The following BTG4 variants were observed in gnomAD, a reference collection of about 807,000 sequenced individuals.
BTG4 encodes BTG anti-proliferation factor 4, also known as protein BTG4.
A neutral mutation model predicts 19.3 loss-of-function variants in BTG4; 10 were observed. The observed-to-expected ratio is 0.52, with a 90% CI of 0.32 to 0.88. The LOEUF is 0.88. Ranked by LOEUF, BTG4 falls within the 40% of genes least tolerant of loss-of-function variation. The pLI is 0.04. For missense variants in BTG4, 238 were observed against 281.9 expected (o/e 0.84, Z 1.11); for synonymous variants, 91 against 95.7 (o/e 0.95, Z 0.29).
At chr11:111,434,296 C>T in the BTG4 span, among the ~76,000 whole-genome samples, 1 of 152,200 alleles carries the variant, frequency 6.6e-6, no homozygotes, top group African/African-American at 2.4e-5. Context: ...CAAACTGTCA[C>T]AAGGACAGAA....
chr11:111,434,848 C>T, the BTG4 span: 1 of 152,282 alleles, frequency 6.6e-6, no homozygotes, highest in African/African-American at 2.4e-5. Context: ...CTCAGAGGTC[C>T]TTCCCAGCCC....
At chr11:111,401,068 A>AAAAC in the BTG4 span, 16 of 92,266 alleles carry the variant, frequency 1.7e-4, no homozygotes, top group African/African-American at 4.5e-4. Context: ...AAAAAAAAAA[A>AAAAC]AAAAAAAAAA....
At chr11:111,467,782 A>C in intron 5 of BTG4, 1 of 658,082 alleles carries the variant, frequency 1.5e-6, no homozygotes, top group Non-Finnish European at 2.7e-6. Context: ...TAAGTCATTT[A>C]GCTAAGGCAT....
the BTG4 span, among the ~76,000 whole-genome samples, chr11:111,425,080 A>C: frequency 6.6e-6 from 1 of 152,186 alleles, no homozygotes; most frequent in Non-Finnish European, 1.5e-5. Flanking sequence ...GGGCTACATG[A>C]AGGAAGGCGC....
chr11:111,466,045 A>G (rs922503871), downstream of BTG4, among the ~76,000 whole-genome samples: 1 of 152,188 alleles, frequency 6.6e-6, no homozygotes, highest in Non-Finnish European at 1.5e-5. Context: ...TCTTGCCATT[A>G]TACTGGCCTT....
At chr11:111,500,276 T>C (rs931321820) in intron 1 of BTG4, among the ~76,000 whole-genome samples, 15 of 152,242 alleles carry the variant, frequency 9.9e-5, no homozygotes, top group African/African-American at 3.1e-4. Context: ...CTAATACCCA[T>C]TAAGCGTTAA....
At chr11:111,391,221 C>G in the BTG4 span, among the ~76,000 whole-genome samples, 5 of 152,188 alleles carry the variant, frequency 3.3e-5, no homozygotes, top group Non-Finnish European at 1.5e-5. Flanking sequence ...CCCAGGGACC[C>G]TATTCAGGAT....
intron 1 of BTG4, among the ~76,000 whole-genome samples, chr11:111,507,037 A>G (rs1392387918): frequency 1.3e-5 from 2 of 152,080 alleles, no homozygotes; most frequent in African/African-American, 4.8e-5. Flanking sequence ...AATGAGGATT[A>G]TGTAAATTTT....
the BTG4 span, chr11:111,386,075 G>A: frequency 6.6e-6 from 1 of 152,180 alleles, no homozygotes; most frequent in Non-Finnish European, 1.5e-5. Context: ...GAGGTTGGAG[G>A]ATTGCTGGAG....
the BTG4 span, chr11:111,460,480 A>G: frequency 6.6e-6 from 1 of 152,414 alleles, no homozygotes; most frequent in Non-Finnish European, 1.5e-5. Context: ...TACAAGGACA[A>G]CTAGATAGGG....
At chr11:111,439,795 C>G in the BTG4 span, among the ~76,000 whole-genome samples, 2 of 152,176 alleles carry the variant, frequency 1.3e-5, no homozygotes, top group Non-Finnish European at 2.9e-5. Context: ...AAGACATGCT[C>G]AGCACTTTAC....
chr11:111,450,452 G>A, the BTG4 span: 1 of 152,660 alleles, frequency 6.6e-6, no homozygotes, highest in Non-Finnish European at 1.5e-5. Context: ...GATGGTAAGA[G>A]AGCTGGACAG....
chr11:111,447,213 T>C, the BTG4 span, among the ~76,000 whole-genome samples: 1 of 152,360 alleles, frequency 6.6e-6, no homozygotes, highest in African/African-American at 2.4e-5. Flanking sequence ...CGATACATCA[T>C]GTGGTTATCC....
chr11:111,458,963 C>T, the BTG4 span, among the ~76,000 whole-genome samples: 15 of 152,120 alleles, frequency 9.9e-5, no homozygotes, highest in African/African-American at 2.7e-4. Context: ...GCATACTGGC[C>T]GGGCACGGTG....
At chr11:111,390,794 A>G in the BTG4 span, among the ~76,000 whole-genome samples, 1 of 152,170 alleles carries the variant, frequency 6.6e-6, no homozygotes, top group East Asian at 1.9e-4. Context: ...ACATCTCATG[A>G]TGCAACTCAG....
chr11:111,479,926 G>T (rs868532226), intron 5 of BTG4, among the ~76,000 whole-genome samples: 3 of 152,080 alleles, frequency 2.0e-5, no homozygotes, highest in Middle Eastern at 6.8e-3. Flanking sequence ...AAGAAGGTAA[G>T]GAACAGAAAA....
At chr11:111,446,755 C>T in the BTG4 span, among the ~76,000 whole-genome samples, 1 of 152,058 alleles carries the variant, frequency 6.6e-6, no homozygotes, top group African/African-American at 2.4e-5. Context: ...TCTGGACAAA[C>T]AAAGGCAAAG....
intron 5 of BTG4, among the ~76,000 whole-genome samples, chr11:111,485,146 C>A (rs1864979792): frequency 6.6e-6 from 1 of 152,002 alleles, no homozygotes; most frequent in African/African-American, 2.4e-5. Context: ...AGAGATGGAC[C>A]TCAATACAAT....
At chr11:111,464,960 C>A (rs1042991868), downstream of BTG4, among the ~76,000 whole-genome samples, 1 of 152,086 alleles carries the variant, frequency 6.6e-6, no homozygotes, top group African/African-American at 2.4e-5. Flanking sequence ...GGGACTTCAC[C>A]CCATACCAGC....
Sources: gnomAD v4.1 joint callset for allele counts (sites outside exome capture counted in the v4.1 genomes callset) on GRCh38, gnomAD v4.1.1 for gene constraint, MANE v1.5 for transcripts, NCBI Gene and HGNC (gene_info 2026-07-23, HGNC 2026-07-21) for gene names.